Variants in ZNF385D observed in about 807,000 individuals in gnomAD.
ZNF385D encodes zinc finger protein 385D, also known as zinc finger protein 659.
ZNF385D carries 15 observed loss-of-function variants against 35.8 expected under a neutral mutation model. That is an observed-to-expected ratio of 0.42 (90% CI 0.28 to 0.64). The LOEUF (loss-of-function observed/expected upper bound fraction) is 0.64. ZNF385D is among the 30% of genes least tolerant of loss of function. The pLI is 0.23. For missense variants in ZNF385D, 474 were observed against 494.6 expected (o/e 0.96, Z 0.39); for synonymous variants, 212 against 186.8 (o/e 1.13, Z -1.10).
intron 3 of ZNF385D, among the ~76,000 whole-genome samples, chr3:21,537,005 G>T (rs2062049924): frequency 6.6e-6 from 1 of 151,534 alleles, no homozygotes; most frequent in African/African-American, 2.4e-5. Context: ...ACTTGTCAAG[G>T]AAGCAAAATT....
chr3:22,132,906 A>C (rs1276831995), intron 3 of ZNF385D, among the ~76,000 whole-genome samples: 9 of 152,132 alleles, frequency 5.9e-5, no homozygotes, highest in Admixed American at 1.3e-4. Context: ...TTATTCACTG[A>C]GTATTCGGTT....
chr3:21,864,504 C>G (rs567621908), intron 3 of ZNF385D, among the ~76,000 whole-genome samples: 5 of 152,198 alleles, frequency 3.3e-5, no homozygotes, highest in Non-Finnish European at 5.9e-5. Flanking sequence ...AAATTATGGA[C>G]AGAATGCACA....
intron 3 of ZNF385D, among the ~76,000 whole-genome samples, chr3:22,104,597 T>C (rs987099444): frequency 3.3e-5 from 5 of 152,108 alleles, no homozygotes; most frequent in Non-Finnish European, 5.9e-5. Context: ...TTTTTTAGAA[T>C]CATGAATTTC....
intron 2 of ZNF385D, among the ~76,000 whole-genome samples, chr3:22,236,729 C>T (rs1302766389): frequency 1.3e-5 from 2 of 152,056 alleles, no homozygotes; most frequent in East Asian, 3.9e-4. Flanking sequence ...ATGTCTAGCC[C>T]CCGGCAACTA....
At chr3:22,048,458 C>T (rs1455855831) in intron 3 of ZNF385D, among the ~76,000 whole-genome samples, 1 of 152,116 alleles carries the variant, frequency 6.6e-6, no homozygotes, top group Non-Finnish European at 1.5e-5. Flanking sequence ...TATTATTTTG[C>T]ATGTGAATGT....
At chr3:21,425,752 AATCTT>A (rs1163198320) in intron 5 of ZNF385D, 82 bp from the exon 6 acceptor site, 19 of 1,333,540 alleles carry the variant, frequency 1.4e-5, no homozygotes, top group Non-Finnish European at 1.8e-5. Flanking sequence ...GGAGGAAAAA[AATCTT>A]AGCTAGTATA....
chr3:21,557,999 C>T (rs9827867), intron 3 of ZNF385D, among the ~76,000 whole-genome samples: 1 of 151,850 alleles, frequency 6.6e-6, no homozygotes, highest in Non-Finnish European at 1.5e-5. Context: ...AGTGGTGATA[C>T]CCCTTTATCA....
intron 3 of ZNF385D, among the ~76,000 whole-genome samples, chr3:22,081,434 G>A (rs1407786864): frequency 6.6e-6 from 1 of 152,174 alleles, no homozygotes; most frequent in Non-Finnish European, 1.5e-5. Flanking sequence ...CACATATACT[G>A]TAAGCAAGTT....
intron 3 of ZNF385D, among the ~76,000 whole-genome samples, chr3:22,135,614 T>G (rs1269666558): frequency 6.6e-6 from 1 of 152,200 alleles, no homozygotes; most frequent in African/African-American, 2.4e-5. Context: ...CTTTGTAGAT[T>G]TAATAAGCTG....
At position 22,110,460 on chromosome 3, in the gene ZNF385D, A is replaced by G. The variant is rs1169018544; in HGVS notation, c.325+58357T>C. Among the ~76,000 whole-genome samples the G allele has an allele frequency of 7.2e-5, 11 of 152,274 alleles. No homozygotes were observed. In the South Asian group the frequency reaches 1.5e-3, roughly 20 times the overall value. On this transcript the variant is annotated intron_variant, in intron 3 of 5. Coordinates refer to the ZNF385D transcript ENST00000494108. ...ACACCATGGAATACTATGCAGCCAT[A>G]AAAAATGATGAGTTCATGTCCTTTG...
At chr3:21,579,197 T>A (rs768996946) in intron 2 of ZNF385D, 2 of 152,152 alleles carry the variant, frequency 1.3e-5, no homozygotes, top group Non-Finnish European at 2.9e-5. Context: ...AGCTCCAGAA[T>A]TGGGATTCTA....
chr3:22,123,946 C>A (rs1703258376), intron 3 of ZNF385D, among the ~76,000 whole-genome samples: 1 of 101,152 alleles, frequency 9.9e-6, no homozygotes, highest in African/African-American at 3.7e-5. Context: ...CTCTCTCTCT[C>A]TCTCTCTCTC....
chr3:21,425,011 G>A (rs920142265), intron 6 of ZNF385D, among the ~76,000 whole-genome samples: 1 of 152,098 alleles, frequency 6.6e-6, no homozygotes, highest in Non-Finnish European at 1.5e-5. Flanking sequence ...TATTGCAGGT[G>A]GCTGCAAGAT....
intron 3 of ZNF385D, among the ~76,000 whole-genome samples, chr3:21,913,961 C>T (rs925403354): frequency 1.3e-5 from 2 of 152,020 alleles, no homozygotes; most frequent in Non-Finnish European, 2.9e-5. Flanking sequence ...TATTATGTGG[C>T]CTTTCATGCA....
intron 4 of ZNF385D, among the ~76,000 whole-genome samples, chr3:21,443,833 AGG>A (rs1701989783): frequency 6.6e-6 from 1 of 152,186 alleles, no homozygotes; most frequent in Non-Finnish European, 1.5e-5. Context: ...AATTTTAGAA[AGG>A]AGATTTTAAA....
intron 2 of ZNF385D, among the ~76,000 whole-genome samples, chr3:21,586,032 CAA>C (rs1238141157): frequency 1.9e-5 from 1 of 53,306 alleles, no homozygotes; most frequent in Non-Finnish European, 4.2e-5. Flanking sequence ...ATTATAAATA[CAA>C]ATACATACAC....
intron 2 of ZNF385D, among the ~76,000 whole-genome samples, chr3:22,184,657 C>G (rs1695507395): frequency 6.6e-6 from 1 of 152,128 alleles, no homozygotes; most frequent in African/African-American, 2.4e-5. Context: ...GAAACCCTGT[C>G]TCTACTTACA....
At chr3:21,791,892 G>A (rs543428055) in intron 3 of ZNF385D, among the ~76,000 whole-genome samples, 3 of 152,074 alleles carry the variant, frequency 2.0e-5, no homozygotes, top group East Asian at 1.9e-4. Context: ...GTGCCACCAC[G>A]CCCAGCTAAT....
intron 3 of ZNF385D, among the ~76,000 whole-genome samples, chr3:21,876,701 T>TC (rs1318191799): frequency 6.6e-6 from 1 of 151,952 alleles, no homozygotes; most frequent in Non-Finnish European, 1.5e-5. Context: ...TTTTTGATTT[T>TC]TTTTTTTACC....
Sources: allele counts gnomAD v4.1 joint callset (sites outside exome capture counted in the v4.1 genomes callset), GRCh38; gene constraint gnomAD v4.1.1; transcripts MANE v1.5; gene names NCBI Gene and HGNC (gene_info 2026-07-23, HGNC 2026-07-21).